CCDC171: variants seen among roughly 807,000 people sequenced by gnomAD.
The protein encoded by CCDC171 is coiled-coil domain containing 171.
CCDC171 carries 177 observed loss-of-function variants against 168.2 expected under a neutral mutation model. That is an observed-to-expected ratio of 1.05 (90% CI 0.93 to 1.19). CCDC171 has a LOEUF of 1.19. Among genes scored for constraint, CCDC171 ranks in the 50% most tolerant of loss-of-function variants. CCDC171 has a pLI of 0.00. For missense variants in CCDC171, 1,991 were observed against 1,539.0 expected (o/e 1.29, Z -4.91); for synonymous variants, 687 against 540.8 (o/e 1.27, Z -3.75).
rs2061012286 is a variant in CCDC171 at position 15,848,922 on chromosome 9, G to C, written c.3443G>C (p.Arg1148Thr). 6.4e-7 allele frequency: 1 copy of C among 1,567,886 alleles called. No homozygotes were observed. Among genetic ancestry groups the C allele is most frequent in the South Asian group, 1.2e-5 (1 of 83,910 alleles). The change falls in exon 23 of 26, where the codon AGA becomes ACA. Residue 1148 changes from arginine (R) to threonine (T), a missense_variant. Arg to Thr is a moderately conservative substitution (Grantham distance 71, BLOSUM62 -1). Coordinates refer to ENST00000380701, the MANE Select transcript of CCDC171 (RefSeq NM_173550.4). ...KDKECVANHM[R>T]AVENTLHKVR... ...AAAGAATGTGTTGCTAATCACATGA[G>C]AGCAGTAGAAAATACGCTTCACAAG...
Position 15,794,155 on chromosome 9 carries a change from C to T in CCDC171, c.3267+9461C>T, listed in dbSNP as rs540062570. Among the ~76,000 whole-genome samples the T allele has an allele frequency of 1.1e-4, 16 of 152,016 alleles. No individual in the cohort carries two copies. The South Asian group carries it at 2.7e-3, about 26-fold the overall frequency. ...TTGTTGGGTTAAGGAAGTTATCTTC[C>T]TGCATTATGCATAAATTAAAAATCA... is the stretch of plus-strand genomic sequence containing the variant. On this transcript the variant is annotated intron_variant, in intron 21 of 25. Transcript: ENST00000380701.
intron 3 of CCDC171, among the ~76,000 whole-genome samples, chr9:15,995,299 A>G (rs1488174888): frequency 6.6e-6 from 1 of 152,228 alleles, no homozygotes; most frequent in Non-Finnish European, 1.5e-5. Flanking sequence ...AAGGCTTGTA[A>G]TCTTCCTCCA....
At chr9:16,015,276 A>G (rs139198071) in intron 3 of CCDC171, among the ~76,000 whole-genome samples, 42 of 152,286 alleles carry the variant, frequency 2.8e-4, no homozygotes, top group African/African-American at 1.0e-3. Context: ...GTCTTTTGCT[A>G]GCCTCAAATC....
chr9:15,873,789 T>C (rs1018852704), intron 23 of CCDC171, among the ~76,000 whole-genome samples: 1 of 152,168 alleles, frequency 6.6e-6, no homozygotes, highest in Non-Finnish European at 1.5e-5. Context: ...ATCAACTGCA[T>C]GTGATTCCAT....
the CCDC171 span, among the ~76,000 whole-genome samples, chr9:16,082,375 G>A: frequency 6.6e-6 from 1 of 152,174 alleles, no homozygotes; most frequent in Non-Finnish European, 1.5e-5. Flanking sequence ...CAGGTCACAT[G>A]AGTTTCCAAG....
At chr9:15,915,321 C>G (rs1187934796) in intron 24 of CCDC171, among the ~76,000 whole-genome samples, 1 of 150,906 alleles carries the variant, frequency 6.6e-6, no homozygotes, top group Non-Finnish European at 1.5e-5. Context: ...TTTTGTAGTT[C>G]TACTTATAGA....
intron 11 of CCDC171, among the ~76,000 whole-genome samples, chr9:15,713,300 C>T (rs951113321): frequency 8.0e-6 from 1 of 124,790 alleles, no homozygotes; most frequent in African/African-American, 3.1e-5. Flanking sequence ...ACAGAACCAT[C>T]TATAAACCAA....
At chr9:15,958,844 A>G (rs1483539827) in intron 25 of CCDC171, among the ~76,000 whole-genome samples, 1 of 152,166 alleles carries the variant, frequency 6.6e-6, no homozygotes, top group African/African-American at 2.4e-5. Flanking sequence ...AGAAGGTGTC[A>G]CAGACCAAAT....
intron 25 of CCDC171, among the ~76,000 whole-genome samples, chr9:15,951,055 A>G (rs1221236901): frequency 2.7e-5 from 4 of 148,688 alleles, no homozygotes; most frequent in Non-Finnish European, 6.0e-5. Flanking sequence ...AAAGGGATCA[A>G]TTCAACAAGA....
At chr9:15,599,682 C>G (rs1358538133) in intron 6 of CCDC171, among the ~76,000 whole-genome samples, 1 of 152,084 alleles carries the variant, frequency 6.6e-6, no homozygotes, top group South Asian at 2.1e-4. Flanking sequence ...TTTCTTGAAT[C>G]TGAATGTTGG....
chr9:15,623,656 A>T (rs1276651910), intron 7 of CCDC171, among the ~76,000 whole-genome samples: 1 of 152,172 alleles, frequency 6.6e-6, no homozygotes, highest in East Asian at 1.9e-4. Flanking sequence ...AGTTTAAAAA[A>T]ATCTGTTCAC....
chr9:15,654,530 G>A (rs1564146581), intron 7 of CCDC171, among the ~76,000 whole-genome samples: 1 of 152,218 alleles, frequency 6.6e-6, no homozygotes, highest in South Asian at 2.1e-4. Flanking sequence ...TGATTAGTTT[G>A]TGGATTATTC....
chr9:15,845,311 T>C (rs2060848855), intron 21 of CCDC171, among the ~76,000 whole-genome samples: 1 of 152,036 alleles, frequency 6.6e-6, no homozygotes, highest in Non-Finnish European at 1.5e-5. Flanking sequence ...GATCTGTTAA[T>C]AGTGAAGATT....
intron 6 of CCDC171, among the ~76,000 whole-genome samples, chr9:16,027,969 G>T (rs1311030539): frequency 6.6e-6 from 1 of 152,176 alleles, no homozygotes; most frequent in South Asian, 2.1e-4. Flanking sequence ...ATCACTAGGT[G>T]TAAGGGGTTC....
intron 10 of CCDC171, among the ~76,000 whole-genome samples, chr9:15,693,020 C>T (rs1343373177): frequency 1.3e-5 from 2 of 151,926 alleles, no homozygotes; most frequent in Admixed American, 6.5e-5. Context: ...ACCTGTACTC[C>T]CAGCTACTTG....
intron 24 of CCDC171, among the ~76,000 whole-genome samples, chr9:15,896,343 T>C (rs1009634946): frequency 6.6e-6 from 1 of 152,070 alleles, no homozygotes; most frequent in African/African-American, 2.4e-5. Flanking sequence ...GCAAAAGTGT[T>C]CTGCAACTCT....
intron 10 of CCDC171, among the ~76,000 whole-genome samples, chr9:15,694,342 C>G (rs2051050984): frequency 6.6e-6 from 1 of 152,134 alleles, no homozygotes; most frequent in Admixed American, 6.5e-5. Context: ...CCATATTTTT[C>G]TACTTTATTT....
chr9:16,032,810 A>G (rs1833387186), intron 6 of CCDC171, among the ~76,000 whole-genome samples: 1 of 152,140 alleles, frequency 6.6e-6, no homozygotes. Context: ...AAGGATAAGG[A>G]TTAGCTCCTA....
At chr9:15,844,712 CT>C (rs2060822880) in intron 21 of CCDC171, among the ~76,000 whole-genome samples, 1 of 151,992 alleles carries the variant, frequency 6.6e-6, no homozygotes, top group Non-Finnish European at 1.5e-5. Flanking sequence ...GTCGTTGCCC[CT>C]GAGACATGAA....
Sources: allele counts gnomAD v4.1 joint callset (sites outside exome capture counted in the v4.1 genomes callset), GRCh38; gene constraint gnomAD v4.1.1; transcripts MANE v1.5; gene names NCBI Gene and HGNC (gene_info 2026-07-23, HGNC 2026-07-21).